TMEM108: variants seen among roughly 807,000 people sequenced by gnomAD.
TMEM108 encodes the protein transmembrane protein 108.
A neutral mutation model predicts 35.1 loss-of-function variants in TMEM108; 12 were observed. The ratio of observed to expected loss-of-function variants is 0.34; its 90% CI spans 0.22 to 0.55. The LOEUF is 0.55. Among genes scored for constraint, TMEM108 ranks in the 20% least tolerant of loss-of-function variants. TMEM108 has a pLI of 0.89. For missense variants in TMEM108, 680 were observed against 753.3 expected (o/e 0.90, Z 1.14); for synonymous variants, 287 against 308.6 (o/e 0.93, Z 0.73).
In TMEM108 at chr3:133,280,864, G is replaced by C. The variant is rs180958343; in HGVS notation, c.40+51513G>C. On this transcript the variant is annotated intron_variant, in intron 3 of 5. Transcript: ENST00000321871. ...TATCCACATGGTTTCACATGGTACA[G>C]CAGGCTAGCTCAAACTTATTCACGT... 2.0e-3 allele frequency among the ~76,000 whole-genome samples: 310 copies of C among 152,304 alleles called. 1 individual carries two copies. The highest frequency in any genetic ancestry group is 3.5e-3 in the Non-Finnish European group (240 of 68,020).
intron 2 of TMEM108, among the ~76,000 whole-genome samples, chr3:133,167,573 A>G (rs55947197): frequency 0.059 from 8,988 of 152,318 alleles, 334 homozygotes; most frequent in Non-Finnish European, 0.091. Context: ...GAATTCGAGC[A>G]TGGCACGGGT....
intron 2 of TMEM108, among the ~76,000 whole-genome samples, chr3:133,118,179 A>G (rs1245285588): frequency 1.3e-5 from 2 of 152,122 alleles, no homozygotes; most frequent in African/African-American, 4.8e-5. Context: ...GGGGACTGGC[A>G]GAGTACTTAC....
At chr3:133,221,742 G>A (rs1286112045) in intron 2 of TMEM108, among the ~76,000 whole-genome samples, 1 of 124,038 alleles carries the variant, frequency 8.1e-6, no homozygotes, top group Non-Finnish European at 1.6e-5. Context: ...CTTACATAAA[G>A]CAACTTATAA....
chr3:133,045,172 G>A (rs888426840), intron 1 of TMEM108, among the ~76,000 whole-genome samples: 3 of 152,084 alleles, frequency 2.0e-5, no homozygotes, highest in Non-Finnish European at 4.4e-5. Context: ...GTTTCACCAT[G>A]TTAGCCAGGC....
chr3:133,086,214 C>T (rs1010834666), intron 2 of TMEM108, among the ~76,000 whole-genome samples: 2 of 152,170 alleles, frequency 1.3e-5, no homozygotes, highest in African/African-American at 4.8e-5. Context: ...ACCTATCCAT[C>T]ATTGAAATCA....
In TMEM108 at chr3:133,051,379, G is replaced by A. The variant is rs539824868; in HGVS notation, c.-47+5359G>A. On this transcript the variant is annotated intron_variant, in intron 2 of 5. Transcript: ENST00000321871. ...TTACTCAGGTTGTTTTCTTACTGTC[G>A]ACTTTTAAGTTTTTTATAGATTTTG... 5.3e-5 allele frequency among the ~76,000 whole-genome samples: 8 copies of A among 152,048 alleles called. No individual in the cohort carries two copies. In the South Asian group the frequency reaches 1.7e-3, roughly 32 times the overall value.
chr3:133,068,003 G>A (rs1157937924), intron 2 of TMEM108, among the ~76,000 whole-genome samples: 1 of 151,842 alleles, frequency 6.6e-6, no homozygotes, highest in Non-Finnish European at 1.5e-5. Flanking sequence ...TAAGACAGAG[G>A]GGAAATCAGG....
In TMEM108 at chr3:133,186,551, C is replaced by T. The variant is rs143076058; in HGVS notation, c.-46-42715C>T. ...AATCAAAACCCAGTTTAAAACTTAG[C>T]CCAGTCTATTTGTAAGTGGAAACAG... On this transcript the variant is annotated intron_variant, in intron 2 of 5. Coordinates refer to ENST00000321871, the MANE Select transcript of TMEM108 (RefSeq NM_023943.4). Among the ~76,000 whole-genome samples, 26 of 152,296 alleles carry T rather than the reference C, an allele frequency of 1.7e-4. No homozygotes were observed. In the East Asian group the frequency reaches 4.4e-3, roughly 26 times the overall value.
At chr3:133,181,118 A>G (rs6767920) in intron 2 of TMEM108, among the ~76,000 whole-genome samples, 2 of 151,190 alleles carry the variant, frequency 1.3e-5, no homozygotes, top group Non-Finnish European at 2.9e-5. Context: ...TAAAGATAAT[A>G]CATATTAGAT....
At chr3:133,241,369 A>G (rs1325717057) in intron 3 of TMEM108, among the ~76,000 whole-genome samples, 1 of 152,128 alleles carries the variant, frequency 6.6e-6, no homozygotes, top group Non-Finnish European at 1.5e-5. Flanking sequence ...TGCATCACCA[A>G]GCTTTCTCAT....
At chr3:133,313,333 G>A (rs1317412157) in intron 3 of TMEM108, among the ~76,000 whole-genome samples, 1 of 151,954 alleles carries the variant, frequency 6.6e-6, no homozygotes, top group Non-Finnish European at 1.5e-5. Context: ...AAGTAGCTGG[G>A]ACTACAGTTG....
At position 133,193,098 on chromosome 3, in the gene TMEM108, T is replaced by G. The variant is rs559539155; in HGVS notation, c.-46-36168T>G. Reference sequence around the variant, plus strand: ...GCTCTAGAAAGAATTTGAGCATTGCTTTACAAAGCAACATTTCCTTTTTTA... The same window carrying G: ...GCTCTAGAAAGAATTTGAGCATTGCGTTACAAAGCAACATTTCCTTTTTTA... On this transcript the variant is annotated intron_variant, in intron 2 of 5. Coordinates refer to ENST00000321871, the MANE Select transcript of TMEM108 (RefSeq NM_023943.4). Among the ~76,000 whole-genome samples, 11 of 152,274 alleles carry G rather than the reference T, an allele frequency of 7.2e-5. No homozygotes were observed. In the South Asian group the frequency reaches 2.1e-3, roughly 29 times the overall value.
chr3:133,378,647 G>T (rs1298017047), intron 3 of TMEM108: 2 of 573,130 alleles, frequency 3.5e-6, no homozygotes, highest in African/African-American at 4.1e-5. Context: ...GCTCCTACAT[G>T]TCATGCTTGC....
intron 4 of TMEM108, among the ~76,000 whole-genome samples, chr3:133,385,004 C>T (rs558671125): frequency 1.3e-5 from 2 of 152,230 alleles, no homozygotes; most frequent in South Asian, 4.1e-4. Flanking sequence ...AGCAGTCTGG[C>T]CTCCTTCTAG....
intron 3 of TMEM108, among the ~76,000 whole-genome samples, chr3:133,324,257 T>C (rs895175192): frequency 1.3e-5 from 2 of 151,898 alleles, no homozygotes; most frequent in Admixed American, 1.3e-4. Flanking sequence ...GGGAGAAAAT[T>C]TTCGCAAACT....
chr3:133,117,262 C>G (rs1944299042), intron 2 of TMEM108, among the ~76,000 whole-genome samples: 1 of 152,164 alleles, frequency 6.6e-6, no homozygotes, highest in South Asian at 2.1e-4. Flanking sequence ...ACCATCCCAT[C>G]TGAGTGATCT....
chr3:133,267,899 T>C (rs1329011905), intron 3 of TMEM108, among the ~76,000 whole-genome samples: 1 of 152,216 alleles, frequency 6.6e-6, no homozygotes, highest in East Asian at 1.9e-4. Flanking sequence ...ATCTTTTATG[T>C]AATAACCTTG....
At chr3:133,221,132 G>A (rs1467932531) in intron 2 of TMEM108, among the ~76,000 whole-genome samples, 2 of 152,168 alleles carry the variant, frequency 1.3e-5, no homozygotes, top group Non-Finnish European at 2.9e-5. Context: ...TTTTATGAAG[G>A]CTTCATCACA....
At chr3:133,382,362 C>T (rs1432581929) in intron 4 of TMEM108, among the ~76,000 whole-genome samples, 1 of 152,242 alleles carries the variant, frequency 6.6e-6, no homozygotes, top group Non-Finnish European at 1.5e-5. Context: ...TGTCTAGCAA[C>T]GTCTGAAACA....
Sources: allele counts gnomAD v4.1 joint callset (sites outside exome capture counted in the v4.1 genomes callset), GRCh38; gene constraint gnomAD v4.1.1; transcripts MANE v1.5; gene names NCBI Gene and HGNC (gene_info 2026-07-23, HGNC 2026-07-21).